The following TRPM3 variants were observed in gnomAD, a reference collection of about 807,000 sequenced individuals.
TRPM3 encodes the protein transient receptor potential cation channel subfamily M member 3.
TRPM3 carries 77 observed loss-of-function variants against 181.2 expected under a neutral mutation model. The ratio of observed to expected loss-of-function variants is 0.42; its 90% CI spans 0.35 to 0.51. The LOEUF (loss-of-function observed/expected upper bound fraction) is 0.51. Among genes scored for constraint, TRPM3 ranks in the 20% least tolerant of loss-of-function variants. The probability of loss-of-function intolerance (pLI) is 0.01; values close to 1 mark genes in which losing one functional copy is unlikely to be tolerated. For missense variants in TRPM3, 1,759 were observed against 2,196.7 expected, an observed-to-expected ratio of 0.80 and a Z score of 3.98; for synonymous variants, 745 against 796.4, an observed-to-expected ratio of 0.94 and a Z score of 1.09.
chr9:70,697,192 C>T (rs532774090), intron 8 of TRPM3, among the ~76,000 whole-genome samples: 19 of 152,280 alleles, frequency 1.2e-4, no homozygotes, highest in East Asian at 7.7e-4. Context: ...CAAGTCCTCA[C>T]GTAAAACTTC....
chr9:70,690,716 C>A (rs1238976107), intron 8 of TRPM3, among the ~76,000 whole-genome samples: 1 of 152,008 alleles, frequency 6.6e-6, no homozygotes, highest in Non-Finnish European at 1.5e-5. Flanking sequence ...ACACAAAAAT[C>A]TATGTTCATC....
At chr9:71,001,256 A>G (rs2045104098) in intron 1 of TRPM3, among the ~76,000 whole-genome samples, 1 of 152,224 alleles carries the variant, frequency 6.6e-6, no homozygotes. Flanking sequence ...CCGTAAGCCC[A>G]CATGGGGCTC....
chr9:70,819,881 A>T (rs753795855), intron 6 of TRPM3, among the ~76,000 whole-genome samples: 9 of 152,222 alleles, frequency 5.9e-5, no homozygotes, highest in Non-Finnish European at 1.0e-4. Flanking sequence ...AAGACAAAGG[A>T]ATAACACCTC....
intron 7 of TRPM3, among the ~76,000 whole-genome samples, chr9:70,782,960 G>A (rs374665766): frequency 1.4e-4 from 21 of 152,172 alleles, no homozygotes; most frequent in African/African-American, 4.8e-4. Context: ...AAGGGGATAG[G>A]GAGAGACGGG....
intron 1 of TRPM3, among the ~76,000 whole-genome samples, chr9:71,399,806 C>T (rs879936119): frequency 1.3e-5 from 2 of 152,152 alleles, no homozygotes; most frequent in Non-Finnish European, 2.9e-5. Flanking sequence ...GCTGGGATTA[C>T]AGGCGTGAGC....
intron 14 of TRPM3, among the ~76,000 whole-genome samples, chr9:70,622,074 G>C (rs763406142): frequency 7.9e-5 from 12 of 152,134 alleles, no homozygotes; most frequent in Non-Finnish European, 1.6e-4. Context: ...TAGATCAAGA[G>C]AGAAGAAACC....
At position 71,414,403 on chromosome 9, in the gene TRPM3, C is replaced by T. The variant is rs577698186; in HGVS notation, c.183+32250G>A. Among the ~76,000 whole-genome samples, 27 of 152,200 alleles carry T rather than the reference C, an allele frequency of 1.8e-4. No individual in the cohort carries two copies. The South Asian group carries it at 5.4e-3, about 30-fold the overall frequency. On this transcript the variant is annotated intron_variant, in intron 1 of 24. Transcript: ENST00000357533. ...CTCTTAAGAGCTTATTCATTGATTA[C>T]CTTTTTCCTTCCTTTCACAAAGGAA...
At chr9:70,550,347 T>C (rs7025694) in intron 24 of TRPM3, among the ~76,000 whole-genome samples, 74,153 of 152,084 alleles carry the variant, frequency 0.49, 18,659 homozygotes, top group East Asian at 0.82. Flanking sequence ...GCATCTATTT[T>C]GTGACCATGA....
rs76169276 is a variant in TRPM3, at chr9:71,333,629, G to C, written c.183+113024C>G. Among the ~76,000 whole-genome samples the C allele has an allele frequency of 2.0e-3, 308 of 152,034 alleles. 4 individuals carry two copies. The highest frequency in any genetic ancestry group is 6.8e-3 in the African/African-American group (281 of 41,478). Reference sequence around the variant, plus strand: ...ATTCCTCCAACAACCACGGGAGTCAGCTGAAATAGTCCTCTTCCAGCAGAC... The same window carrying C: ...ATTCCTCCAACAACCACGGGAGTCACCTGAAATAGTCCTCTTCCAGCAGAC... On this transcript the variant is annotated intron_variant, in intron 1 of 24. Transcript: ENST00000357533.
intron 1 of TRPM3, among the ~76,000 whole-genome samples, chr9:70,898,861 T>C (rs529777386): frequency 6.6e-6 from 1 of 152,312 alleles, no homozygotes; most frequent in African/African-American, 2.4e-5. Flanking sequence ...CTGCTGCTGA[T>C]AAAACGTGGG....
intron 1 of TRPM3, among the ~76,000 whole-genome samples, chr9:71,235,248 C>A (rs1438992415): frequency 6.6e-6 from 1 of 152,228 alleles, no homozygotes; most frequent in African/African-American, 2.4e-5. Context: ...TTCAGAGAGG[C>A]CTTCCTTGAC....
chr9:70,783,983 A>C (rs1022910816), intron 7 of TRPM3, 122 bp downstream of exon 7: 1 of 1,472,820 alleles, frequency 6.8e-7, no homozygotes, highest in African/African-American at 1.4e-5. Flanking sequence ...TTTTTTAGAC[A>C]ATTTGTTCAT....
At chr9:70,596,515 T>C (rs1392123422) in intron 21 of TRPM3, among the ~76,000 whole-genome samples, 1 of 151,984 alleles carries the variant, frequency 6.6e-6, no homozygotes, top group South Asian at 2.1e-4. Flanking sequence ...GTGGATCACT[T>C]GAGATCAGGA....
intron 9 of TRPM3, among the ~76,000 whole-genome samples, chr9:70,647,507 A>G (rs2059045569): frequency 6.6e-6 from 1 of 152,202 alleles, no homozygotes; most frequent in African/African-American, 2.4e-5. Flanking sequence ...TATGTTAAAA[A>G]CCTTCAACAA....
At chr9:70,911,626 A>G (rs1049061392) in intron 1 of TRPM3, among the ~76,000 whole-genome samples, 4 of 152,150 alleles carry the variant, frequency 2.6e-5, no homozygotes, top group Non-Finnish European at 4.4e-5. Flanking sequence ...CACCATCATG[A>G]ATTTATTAGT....
At chr9:70,580,490 A>G (rs998947379) in intron 22 of TRPM3, among the ~76,000 whole-genome samples, 4 of 152,176 alleles carry the variant, frequency 2.6e-5, no homozygotes, top group African/African-American at 9.7e-5. Flanking sequence ...GACAAAAACA[A>G]TATGGTGTCC....
chr9:70,995,943 C>A (rs560291272), intron 1 of TRPM3, among the ~76,000 whole-genome samples: 5 of 152,216 alleles, frequency 3.3e-5, no homozygotes, highest in East Asian at 1.9e-4. Flanking sequence ...TTCCCTGGAG[C>A]CTTAGGCTTT....
intron 8 of TRPM3, among the ~76,000 whole-genome samples, chr9:70,755,356 G>A (rs868460670): frequency 8.6e-5 from 13 of 151,986 alleles, no homozygotes; most frequent in African/African-American, 2.7e-4. Context: ...GAGAATGGGG[G>A]CCAATATTCA....
chr9:70,562,588 C>T (rs1025105291), intron 22 of TRPM3, among the ~76,000 whole-genome samples: 1 of 138,360 alleles, frequency 7.2e-6, no homozygotes, highest in Non-Finnish European at 1.5e-5. Context: ...CAGGATGTCG[C>T]AAATCTAGGT....
Sources: allele counts gnomAD v4.1 joint callset (sites outside exome capture counted in the v4.1 genomes callset), GRCh38; gene constraint gnomAD v4.1.1; transcripts MANE v1.5; gene names NCBI Gene and HGNC (gene_info 2026-07-23, HGNC 2026-07-21).